The following TMC2 variants were observed in gnomAD, a reference collection of about 807,000 sequenced individuals.
The protein encoded by TMC2 is transmembrane channel like 2, also known as transmembrane channel-like protein 2.
Under a neutral mutation model 105.9 loss-of-function variants are expected in TMC2, and 102 were observed. The ratio of observed to expected loss-of-function variants is 0.96; its 90% CI spans 0.82 to 1.14. The LOEUF is 1.14. TMC2 is among the 50% of genes most tolerant of loss of function. TMC2 has a pLI of 0.00. For missense variants in TMC2, 1,093 were observed against 1,134.3 expected, an observed-to-expected ratio of 0.96 and a Z score of 0.52; for synonymous variants, 402 against 422.8, an observed-to-expected ratio of 0.95 and a Z score of 0.60.
chr20:2,633,386 CA>C (rs2086618187), intron 17 of TMC2, among the ~76,000 whole-genome samples: 1 of 152,198 alleles, frequency 6.6e-6, no homozygotes, highest in Non-Finnish European at 1.5e-5. Flanking sequence ...TATAGATTCC[CA>C]GGAATATTTC....
intron 14 of TMC2, among the ~76,000 whole-genome samples, chr20:2,615,626 G>T (rs1283141891): frequency 6.6e-6 from 1 of 152,208 alleles, no homozygotes; most frequent in Non-Finnish European, 1.5e-5. Flanking sequence ...TTTCCTTTCC[G>T]TGAACTGCTC....
chr20:2,593,815 A>T (rs2086285424), intron 8 of TMC2, among the ~76,000 whole-genome samples: 1 of 152,082 alleles, frequency 6.6e-6, no homozygotes, highest in Non-Finnish European at 1.5e-5. Context: ...ATTTTCATTG[A>T]TTCTCATTCC....
intron 2 of TMC2, among the ~76,000 whole-genome samples, chr20:2,552,438 T>G (rs186384341): frequency 6.6e-6 from 1 of 152,238 alleles, no homozygotes; most frequent in African/African-American, 2.4e-5. Flanking sequence ...TTTGAGTTCT[T>G]TGAGTTCTTT....
chr20:2,636,078 G>A, intron 18 of TMC2, 74 bp downstream of exon 18: 2 of 1,275,302 alleles, frequency 1.6e-6, no homozygotes, highest in South Asian at 1.2e-5. Context: ...TTTGCTGTGT[G>A]AGCCCAGCTG....
At chr20:2,637,212 A>ACC (rs200847439) in intron 18 of TMC2, among the ~76,000 whole-genome samples, 1 of 62,868 alleles carries the variant, frequency 1.6e-5, no homozygotes, top group East Asian at 8.9e-4. Flanking sequence ...AACATGGTGA[A>ACC]CCCGTCTCTA....
At chr20:2,547,661 A>C (rs2085933364) in intron 2 of TMC2, among the ~76,000 whole-genome samples, 1 of 152,238 alleles carries the variant, frequency 6.6e-6, no homozygotes, top group South Asian at 2.1e-4. Context: ...ATTTAACTTC[A>C]TTTGAGAGTC....
chr20:2,628,919 G>T (rs922573542), intron 17 of TMC2, among the ~76,000 whole-genome samples: 62 of 148,672 alleles, frequency 4.2e-4, no homozygotes, highest in Non-Finnish European at 5.7e-4. Context: ...TGGCTAACAC[G>T]GTGAAACCCC....
At chr20:2,560,127 T>C (rs1462085580) in intron 3 of TMC2, among the ~76,000 whole-genome samples, 3 of 152,084 alleles carry the variant, frequency 2.0e-5, no homozygotes, top group Admixed American at 6.5e-5. Context: ...ATGGAGAAGG[T>C]GAACATCCCA....
intron 3 of TMC2, among the ~76,000 whole-genome samples, chr20:2,560,620 G>A (rs905039416): frequency 5.3e-5 from 8 of 152,058 alleles, no homozygotes; most frequent in South Asian, 4.1e-4. Context: ...GGTGGATCGC[G>A]AGGTCAGGAG....
intron 17 of TMC2, among the ~76,000 whole-genome samples, chr20:2,632,146 C>T (rs140577966): frequency 2.0e-5 from 3 of 152,014 alleles, no homozygotes; most frequent in Non-Finnish European, 2.9e-5. Flanking sequence ...CTCAGCCTGT[C>T]GAGTAGCTGG....
At chr20:2,543,047 GC>G (rs896193165) in intron 2 of TMC2, among the ~76,000 whole-genome samples, 1 of 151,900 alleles carries the variant, frequency 6.6e-6, no homozygotes, top group African/African-American at 2.4e-5. Context: ...GACCAGCCTG[GC>G]CAACATGGTG....
At chr20:2,635,015 G>A (rs991694636) in intron 17 of TMC2, among the ~76,000 whole-genome samples, 5 of 152,222 alleles carry the variant, frequency 3.3e-5, no homozygotes, top group African/African-American at 1.2e-4. Flanking sequence ...CAAAGCTGGA[G>A]CAGCTGAGCT....
intron 11 of TMC2, among the ~76,000 whole-genome samples, chr20:2,609,605 G>A (rs966692246): frequency 2.6e-5 from 4 of 152,158 alleles, no homozygotes; most frequent in African/African-American, 7.2e-5. Flanking sequence ...AGAGGCAGTG[G>A]AATTTTGTGG....
rs374126461 is a variant in TMC2, at chr20:2,607,923, G to A, written c.1414-2496G>A. On this transcript the variant is annotated intron_variant, in intron 11 of 19. Transcript: ENST00000358864. Reference sequence around the variant, plus strand: ...GTGGATCACCTGAAGTCAGGAGTTCGAGACCAGCCTGGCCAACATGGTGAA... The same window carrying A: ...GTGGATCACCTGAAGTCAGGAGTTCAAGACCAGCCTGGCCAACATGGTGAA... 1.2e-3 allele frequency among the ~76,000 whole-genome samples: 183 copies of A among 152,192 alleles called. 3 individuals are homozygous for A. Among genetic ancestry groups the A allele is most frequent in the African/African-American group, 4.3e-3 (178 of 41,538 alleles).
At chr20:2,537,050 G>GTC (rs2085854649) in intron 1 of TMC2, among the ~76,000 whole-genome samples, 1 of 151,938 alleles carries the variant, frequency 6.6e-6, no homozygotes, top group Admixed American at 6.5e-5. Context: ...CTGTCTCTGT[G>GTC]CAGGGCAGGG....
At chr20:2,629,328 T>C (rs2086586586) in intron 17 of TMC2, among the ~76,000 whole-genome samples, 1 of 152,090 alleles carries the variant, frequency 6.6e-6, no homozygotes, top group African/African-American at 2.4e-5. Context: ...ATTTTTGTAT[T>C]TTTCCTGCAT....
intron 4 of TMC2, among the ~76,000 whole-genome samples, chr20:2,569,742 G>A (rs531550781): frequency 6.6e-6 from 1 of 152,186 alleles, no homozygotes; most frequent in African/African-American, 2.4e-5. Context: ...CTCTGTTCAG[G>A]GTCTCATCAC....
intron 8 of TMC2, among the ~76,000 whole-genome samples, chr20:2,593,688 T>C (rs1175786738): frequency 6.6e-6 from 1 of 152,152 alleles, no homozygotes; most frequent in Non-Finnish European, 1.5e-5. Flanking sequence ...GGAACTACTG[T>C]CAGAATCATC....
chr20:2,558,654 C>T lies in TMC2; in HGVS notation c.281C>T (p.Thr94Ile). The change falls in exon 3 of 20, where the codon ACC (threonine) becomes ATC (isoleucine). Residue 94 changes from threonine to isoleucine, a missense_variant. Physicochemically the swap from Thr to Ile is moderately conservative, Grantham distance 89. Transcript: ENST00000358864. The surrounding 1 kb of genome is among the most constrained non-coding windows in gnomAD (Gnocchi z 4.6). ...CAGGAGCGGGGCGAGGCAGAGAGGA[C>T]CTGCGAGGGCAGGAGAAAGCGCGAC... ...GEQERGEAER[T>I]CEGRRKRDER... 6.3e-7 allele frequency: 1 copy of T among 1,583,396 alleles called. No individual in the cohort carries two copies. Among genetic ancestry groups the T allele is most frequent in the Non-Finnish European group, 8.6e-7 (1 of 1,164,708 alleles).
Sources: gnomAD v4.1 joint callset for allele counts (sites outside exome capture counted in the v4.1 genomes callset) on GRCh38, gnomAD v4.1.1 for gene constraint, Gnocchi (gnomAD v3.1) non-coding constraint, MANE v1.5 for transcripts, NCBI Gene and HGNC (gene_info 2026-07-23, HGNC 2026-07-21) for gene names.